Variants in AGBL1 observed in about 807,000 individuals in gnomAD.
The protein encoded by AGBL1 is cytosolic carboxypeptidase 4.
A neutral mutation model predicts 118.9 loss-of-function variants in AGBL1; 130 were observed. The ratio of observed to expected loss-of-function variants is 1.09; its 90% CI spans 0.95 to 1.26. The LOEUF (loss-of-function observed/expected upper bound fraction) is 1.26, where lower values mean the gene tolerates loss of function less well. AGBL1 is among the 50% of genes most tolerant of loss of function. The probability of loss-of-function intolerance (pLI) is 0.00; values close to 1 mark genes in which losing one functional copy is unlikely to be tolerated. For synonymous variants in AGBL1, 555 were observed against 478.9 expected, an observed-to-expected ratio of 1.16 and a Z score of -2.08; for missense variants, 1,584 against 1,298.1, an observed-to-expected ratio of 1.22 and a Z score of -3.38.
At chr15:86,669,350 G>C (rs2085701278) in intron 21 of AGBL1, among the ~76,000 whole-genome samples, 1 of 151,752 alleles carries the variant, frequency 6.6e-6, no homozygotes. Context: ...ACAAAAATAT[G>C]AAAAAAATCA....
chr15:86,825,035 T>G (rs191508763), intron 22 of AGBL1, among the ~76,000 whole-genome samples: 63 of 152,132 alleles, frequency 4.1e-4, no homozygotes, highest in Non-Finnish European at 1.5e-5. Flanking sequence ...CCAGCCTAGG[T>G]GACAGAGTGA....
At chr15:86,402,456 G>A (rs1363687443) in intron 18 of AGBL1, among the ~76,000 whole-genome samples, 2 of 152,050 alleles carry the variant, frequency 1.3e-5, no homozygotes, top group Admixed American at 6.6e-5. Flanking sequence ...TTTCTTGTCT[G>A]ATTGCTGTGG....
At chr15:86,579,784 G>T (rs1169891073) in intron 21 of AGBL1, among the ~76,000 whole-genome samples, 1 of 152,182 alleles carries the variant, frequency 6.6e-6, no homozygotes, top group African/African-American at 2.4e-5. Flanking sequence ...AGGGAGGGCA[G>T]AAAACAAGAT....
At chr15:86,452,070 A>T (rs546900147) in intron 18 of AGBL1, among the ~76,000 whole-genome samples, 1 of 152,260 alleles carries the variant, frequency 6.6e-6, no homozygotes, top group East Asian at 1.9e-4. Context: ...TATGCCAGCC[A>T]CAGTAGCTTT....
intron 18 of AGBL1, among the ~76,000 whole-genome samples, chr15:86,436,488 T>C (rs944401608): frequency 2.0e-5 from 3 of 152,160 alleles, no homozygotes; most frequent in Admixed American, 6.5e-5. Flanking sequence ...ATTAGCTTAA[T>C]GTGCAAGAAG....
At chr15:86,302,022 A>G (rs1232013987) in intron 17 of AGBL1, among the ~76,000 whole-genome samples, 1 of 152,140 alleles carries the variant, frequency 6.6e-6, no homozygotes, top group East Asian at 1.9e-4. Flanking sequence ...CTGCATATCA[A>G]CAGTGACTCA....
chr15:86,519,788 A>C (rs959382811), intron 18 of AGBL1, among the ~76,000 whole-genome samples: 2 of 152,186 alleles, frequency 1.3e-5, no homozygotes, highest in East Asian at 3.9e-4. Flanking sequence ...GACAACAAAC[A>C]AACCAAATTT....
chr15:86,805,789 A>G (rs567826660), intron 22 of AGBL1, among the ~76,000 whole-genome samples: 1 of 152,250 alleles, frequency 6.6e-6, no homozygotes, highest in East Asian at 1.9e-4. Context: ...TCTACAACCA[A>G]CTACAACACA....
At chr15:86,738,372 C>T (rs2077630964) in intron 22 of AGBL1, among the ~76,000 whole-genome samples, 1 of 151,746 alleles carries the variant, frequency 6.6e-6, no homozygotes, top group African/African-American at 2.4e-5. Context: ...CTGGAAATGC[C>T]AGCCATAGCA....
At chr15:86,439,072 G>C (rs1434354942) in intron 18 of AGBL1, among the ~76,000 whole-genome samples, 2 of 152,094 alleles carry the variant, frequency 1.3e-5, no homozygotes, top group Non-Finnish European at 2.9e-5. Context: ...ACCAGGTAGG[G>C]AATGCTGATG....
chr15:86,885,468 A>C (rs146449070), intron 22 of AGBL1, among the ~76,000 whole-genome samples: 155 of 152,278 alleles, frequency 1.0e-3, no homozygotes, highest in African/African-American at 3.5e-3. Context: ...TACGTTGATT[A>C]TTTACCTACT....
intron 24 of AGBL1, among the ~76,000 whole-genome samples, chr15:87,004,315 G>C (rs1337199617): frequency 8.0e-6 from 1 of 124,672 alleles, no homozygotes; most frequent in Non-Finnish European, 1.6e-5. Flanking sequence ...ATTATAGTGG[G>C]AGAGTTTAAG....
At chr15:86,406,400 T>A (rs1371465891) in intron 18 of AGBL1, among the ~76,000 whole-genome samples, 1 of 152,170 alleles carries the variant, frequency 6.6e-6, no homozygotes, top group African/African-American at 2.4e-5. Flanking sequence ...GACTTCATTG[T>A]TTTCAAAAAA....
At position 87,008,333 on chromosome 15, in the gene AGBL1, G is replaced by T. The variant is rs181201423; in HGVS notation, c.3323+20245G>T. 1.6e-4 allele frequency among the ~76,000 whole-genome samples: 24 copies of T among 152,238 alleles called. No individual in the cohort carries two copies. In the East Asian group the frequency reaches 4.1e-3, roughly 26 times the overall value. ...GTTAATATGTCTTATGAGACCTGATGGTTTTATAAGAAGGAGTTTCCCTGC... is the reference window on the plus strand; with the variant it reads ...GTTAATATGTCTTATGAGACCTGATTGTTTTATAAGAAGGAGTTTCCCTGC... On this transcript the variant is annotated intron_variant, in intron 24 of 24. Coordinates refer to the AGBL1 transcript ENST00000441037.
At chr15:86,245,312 T>C (rs1400667124) in intron 6 of AGBL1, among the ~76,000 whole-genome samples, 1 of 152,210 alleles carries the variant, frequency 6.6e-6, no homozygotes, top group Non-Finnish European at 1.5e-5. Context: ...CTTATCTGAT[T>C]ATACCTCATG....
intron 22 of AGBL1, among the ~76,000 whole-genome samples, chr15:86,835,521 G>A (rs1003335363): frequency 5.3e-5 from 8 of 152,002 alleles, no homozygotes; most frequent in East Asian, 3.9e-4. Flanking sequence ...TGGAAATACC[G>A]TAGAAAAAGC....
intron 18 of AGBL1, among the ~76,000 whole-genome samples, chr15:86,508,924 G>A (rs2083018817): frequency 6.6e-6 from 1 of 152,086 alleles, no homozygotes; most frequent in Non-Finnish European, 1.5e-5. Context: ...TTTGCTAAGT[G>A]CCTTAAGTGT....
intron 17 of AGBL1, among the ~76,000 whole-genome samples, chr15:86,305,951 A>G (rs1322622351): frequency 6.6e-6 from 1 of 152,040 alleles, no homozygotes; most frequent in South Asian, 2.1e-4. Context: ...TCAGTCAACA[A>G]TTTTATCTGT....
intron 23 of AGBL1, among the ~76,000 whole-genome samples, chr15:86,954,644 A>C (rs1474723219): frequency 6.6e-6 from 1 of 152,106 alleles, no homozygotes; most frequent in Non-Finnish European, 1.5e-5. Flanking sequence ...GCTGTGGACT[A>C]CTAGAAGGGG....
Sources: gnomAD v4.1 joint callset for allele counts (sites outside exome capture counted in the v4.1 genomes callset) on GRCh38, gnomAD v4.1.1 for gene constraint, MANE v1.5 for transcripts, NCBI Gene and HGNC (gene_info 2026-07-23, HGNC 2026-07-21) for gene names.